The following ECT2 variants were observed in gnomAD, a reference collection of about 807,000 sequenced individuals.
ECT2 encodes protein ECT2.
In ECT2, 61 loss-of-function variants were observed where a neutral mutation model predicts 116.9. The ratio of observed to expected loss-of-function variants is 0.52; its 90% confidence interval spans 0.42 to 0.65. The LOEUF (loss-of-function observed/expected upper bound fraction) is 0.65. ECT2 is among the 30% of genes least tolerant of loss of function. The pLI is 0.00. For synonymous variants in ECT2, 358 were observed against 346.4 expected (o/e 1.03, Z -0.37); for missense variants, 937 against 1,078.7 (o/e 0.87, Z 1.84).
chr3:172,787,278 G>A (rs1297517951), intron 18 of ECT2, among the ~76,000 whole-genome samples: 1 of 152,204 alleles, frequency 6.6e-6, no homozygotes, highest in African/African-American at 2.4e-5. Flanking sequence ...GCTTCTGTAT[G>A]AGAGTTTCTT....
At position 172,757,713 on chromosome 3, in the gene ECT2, C is replaced by T. The variant is rs141168524; in HGVS notation, c.486+548C>T. On this transcript the variant is annotated intron_variant, in intron 5 of 24. Coordinates refer to ENST00000392692, the MANE Select transcript of ECT2 (RefSeq NM_001258315.2). Reference sequence around the variant, plus strand: ...TACAGGCGTGAGCCACTGCGCCTGGCGTATACACTATCAATACCACAATGT... The same window carrying T: ...TACAGGCGTGAGCCACTGCGCCTGGTGTATACACTATCAATACCACAATGT... 5.9e-5 allele frequency among the ~76,000 whole-genome samples: 9 copies of T among 152,198 alleles called. No homozygotes were observed. In the East Asian group the frequency reaches 1.3e-3, roughly 23 times the overall value.
chr3:172,754,124 AT>A (rs1716473480), intron 1 of ECT2, among the ~76,000 whole-genome samples: 1 of 152,030 alleles, frequency 6.6e-6, no homozygotes, highest in Non-Finnish European at 1.5e-5. Context: ...TAGATCTCAG[AT>A]TTTTGGCTAG....
intron 14 of ECT2, among the ~76,000 whole-genome samples, chr3:172,776,896 A>G (rs917445778): frequency 6.7e-6 from 1 of 150,010 alleles, no homozygotes; most frequent in Non-Finnish European, 1.5e-5. Context: ...TCTTTTTGCG[A>G]CAAAGTCTCG....
intron 13 of ECT2, among the ~76,000 whole-genome samples, 157 bp from the exon 14 acceptor site, chr3:172,773,746 A>T (rs534668333): frequency 1.2e-4 from 19 of 152,356 alleles, no homozygotes; most frequent in Admixed American, 2.6e-4. Context: ...ATAAAATAGA[A>T]TAGAAAATAT....
At chr3:172,761,447 A>C (rs904934887) in intron 7 of ECT2, among the ~76,000 whole-genome samples, 163 bp from the exon 8 acceptor site, 1 of 152,122 alleles carries the variant, frequency 6.6e-6, no homozygotes, top group Non-Finnish European at 1.5e-5. Context: ...TTTTACCCTA[A>C]CTTGTATGAT....
chr3:172,807,709 C>T (rs980735035), intron 21 of ECT2, 61 bp from the exon 22 acceptor site: 6 of 1,533,834 alleles, frequency 3.9e-6, no homozygotes, highest in African/African-American at 1.4e-5. Context: ...ACTAAACTTG[C>T]ATACATCTGT....
intron 13 of ECT2, among the ~76,000 whole-genome samples, chr3:172,770,807 G>A (rs1389682046): frequency 6.6e-6 from 1 of 151,936 alleles, no homozygotes; most frequent in Non-Finnish European, 1.5e-5. Context: ...ATAAAGTACT[G>A]TGCTAAGTGT....
chr3:172,819,238 A>G (rs1164425899), intron 24 of ECT2, among the ~76,000 whole-genome samples: 1 of 151,768 alleles, frequency 6.6e-6, no homozygotes, highest in Non-Finnish European at 1.5e-5. Context: ...AGCTTTTTAA[A>G]TGCTTCATTT....
chr3:172,771,731 T>C (rs1304310664), intron 13 of ECT2, among the ~76,000 whole-genome samples: 1 of 152,216 alleles, frequency 6.6e-6, no homozygotes, highest in African/African-American at 2.4e-5. Context: ...GAATCAATGA[T>C]AATTTAGAGG....
intron 14 of ECT2, among the ~76,000 whole-genome samples, chr3:172,777,709 G>A (rs1331172662): frequency 6.6e-6 from 1 of 152,140 alleles, no homozygotes; most frequent in Non-Finnish European, 1.5e-5. Flanking sequence ...GACCAGCCTG[G>A]GCAACAAGGC....
intron 18 of ECT2, among the ~76,000 whole-genome samples, chr3:172,789,267 C>T (rs1290560726): frequency 5.3e-5 from 8 of 149,642 alleles, no homozygotes; most frequent in East Asian, 2.0e-4. Flanking sequence ...TTGCCCAGGC[C>T]GGAGTGCAGT....
the ECT2 span, chr3:172,829,170 C>A: frequency 2.0e-6 from 1 of 489,132 alleles, no homozygotes; most frequent in Non-Finnish European, 3.8e-6. Flanking sequence ...CAGTGGTCTG[C>A]ATTTTTTCAG....
chr3:172,763,352 G>A (rs12634076), intron 11 of ECT2, among the ~76,000 whole-genome samples: 4,862 of 152,292 alleles, frequency 0.032, 163 homozygotes, highest in East Asian at 0.16. Context: ...ATAAAAAGGT[G>A]AAATAAATGT....
At chr3:172,780,180 CTATA>C (rs1436505272) in intron 14 of ECT2, among the ~76,000 whole-genome samples, 4 of 152,022 alleles carry the variant, frequency 2.6e-5, no homozygotes, top group African/African-American at 9.7e-5. Context: ...ATTTGATACA[CTATA>C]TAGTATTGTA....
intron 18 of ECT2, among the ~76,000 whole-genome samples, chr3:172,790,027 C>T (rs1724368627): frequency 6.6e-6 from 1 of 151,672 alleles, no homozygotes; most frequent in African/African-American, 2.4e-5. Context: ...TTTATTTGTG[C>T]CTTCTTCTTG....
intron 18 of ECT2, among the ~76,000 whole-genome samples, chr3:172,798,669 AAC>A (rs1217236834): frequency 4.6e-5 from 7 of 152,206 alleles, no homozygotes; most frequent in Non-Finnish European, 7.4e-5. Context: ...TATAATTTAC[AAC>A]AGTTTGATAT....
chr3:172,763,249 A>G (rs1718692974), intron 11 of ECT2, among the ~76,000 whole-genome samples: 1 of 152,228 alleles, frequency 6.6e-6, no homozygotes, highest in South Asian at 2.1e-4. Flanking sequence ...TAATGGAAAG[A>G]TAGATTTGTA....
At chr3:172,825,932 T>C (rs1164746786), downstream of ECT2, among the ~76,000 whole-genome samples, 1 of 152,236 alleles carries the variant, frequency 6.6e-6, no homozygotes, top group Non-Finnish European at 1.5e-5. Flanking sequence ...TTTCACTCAT[T>C]GCCCAAGCTG....
chr3:172,821,624 A>T (rs1282859383), downstream of ECT2: 1 of 151,846 alleles, frequency 6.6e-6, no homozygotes, highest in Admixed American at 6.6e-5. Flanking sequence ...TTACGAGGCT[A>T]TCTGTAAGTT....
Sources: gnomAD v4.1 joint callset for allele counts (sites outside exome capture counted in the v4.1 genomes callset) on GRCh38, gnomAD v4.1.1 for gene constraint, MANE v1.5 for transcripts, NCBI Gene and HGNC (gene_info 2026-07-23, HGNC 2026-07-21) for gene names.